GAB2: variants seen among roughly 807,000 people sequenced by gnomAD.
The protein encoded by GAB2 is GRB2 associated binding protein 2.
Under a neutral mutation model 65.5 loss-of-function variants are expected in GAB2, and 26 were observed. That is an observed-to-expected ratio of 0.40 (90% CI 0.29 to 0.55). The LOEUF is 0.55. Among genes scored for constraint, GAB2 ranks in the 20% least tolerant of loss-of-function variants. The pLI is 0.53. For synonymous variants in GAB2, 321 were observed against 329.6 expected, an observed-to-expected ratio of 0.97 and a Z score of 0.28; for missense variants, 884 against 875.8, an observed-to-expected ratio of 1.01 and a Z score of -0.12.
At chr11:78,362,380 TACCTAGAGTA>T (rs1480037508) in intron 1 of GAB2, among the ~76,000 whole-genome samples, 2 of 152,042 alleles carry the variant, frequency 1.3e-5, no homozygotes, top group African/African-American at 2.4e-5. Flanking sequence ...CATAATAAAA[TACCTAGAGTA>T]ACTTCTAATG....
At chr11:78,267,607 C>A (rs1008368233) in intron 2 of GAB2, among the ~76,000 whole-genome samples, 4 of 151,906 alleles carry the variant, frequency 2.6e-5, no homozygotes, top group African/African-American at 9.7e-5. Context: ...ACCTGTAATC[C>A]CAGCACTTTG....
At chr11:78,414,096 A>G (rs867924227) in intron 1 of GAB2, among the ~76,000 whole-genome samples, 3,285 of 151,522 alleles carry the variant, frequency 0.022, 115 homozygotes, top group African/African-American at 0.076. Context: ...TCAAAAAAAA[A>G]AAAAAAAAAA....
intron 1 of GAB2, among the ~76,000 whole-genome samples, chr11:78,303,801 C>G (rs1007911664): frequency 6.6e-6 from 1 of 152,122 alleles, no homozygotes; most frequent in African/African-American, 2.4e-5. Context: ...AAGAAGCCAT[C>G]CAGGCCTGGA....
Position 78,217,655 on chromosome 11 carries a change from C to G in GAB2, c.*1617G>C, listed in dbSNP as rs1279307059. 6.6e-6 allele frequency: 1 copy of G among 152,270 alleles called. No individual in the cohort carries two copies. Among genetic ancestry groups the G allele is most frequent in the African/African-American group, 2.4e-5 (1 of 41,448 alleles). The allele number at this position is 152,270 out of a possible 1,614,324, so 9.4% of individuals were successfully genotyped here. A position where few individuals can be genotyped will look rare whatever the true frequency, so the allele number is the denominator to read the frequency against. On this transcript the variant is annotated 3_prime_UTR_variant, in exon 10 of 10. Coordinates refer to ENST00000361507, the MANE Select transcript of GAB2 (RefSeq NM_080491.3). ...CAAGAACAGTCAACATAAAAACATT[C>G]AGATCCCCCACCCTTAGTTTAAGAG...
intron 8 of GAB2, 60 bp downstream of exon 8, chr11:78,221,617 T>C: frequency 1.0e-6 from 1 of 995,438 alleles, no homozygotes; most frequent in Non-Finnish European, 1.6e-6. Context: ...AGTGGGGAAC[T>C]GAGGGGTGGG....
intron 1 of GAB2, among the ~76,000 whole-genome samples, chr11:78,327,241 T>G (rs148511444): frequency 6.0e-4 from 91 of 152,326 alleles, no homozygotes; most frequent in African/African-American, 2.1e-3. Flanking sequence ...CCTATAAGAA[T>G]GATAAACAAT....
chr11:78,359,810 T>C (rs571679142), intron 1 of GAB2, among the ~76,000 whole-genome samples: 26 of 152,256 alleles, frequency 1.7e-4, no homozygotes, highest in Non-Finnish European at 2.9e-4. Flanking sequence ...AAGGGTGTAG[T>C]GCGTTGAATG....
chr11:78,272,505 G>C (rs1246405449), intron 2 of GAB2, among the ~76,000 whole-genome samples: 1 of 152,174 alleles, frequency 6.6e-6, no homozygotes, highest in African/African-American at 2.4e-5. Flanking sequence ...TTGAACTTGA[G>C]AGAGATGATT....
At chr11:78,312,248 G>A (rs917852513) in intron 1 of GAB2, among the ~76,000 whole-genome samples, 1 of 150,284 alleles carries the variant, frequency 6.7e-6, no homozygotes, top group Non-Finnish European at 1.5e-5. Flanking sequence ...AGGAAAACAA[G>A]AGGGAGATTC....
At chr11:78,302,542 G>A (rs10899465) in intron 1 of GAB2, among the ~76,000 whole-genome samples, 23,823 of 151,730 alleles carry the variant, frequency 0.16, 2,425 homozygotes, top group East Asian at 0.4. Flanking sequence ...TGTTGGCATC[G>A]ATGCAGTGAA....
At chr11:78,326,959 G>C (rs1426869573) in intron 1 of GAB2, among the ~76,000 whole-genome samples, 2 of 152,174 alleles carry the variant, frequency 1.3e-5, no homozygotes, top group Non-Finnish European at 2.9e-5. Flanking sequence ...ATGGGATGAA[G>C]GCTAAGAAGA....
chr11:78,415,976 C>T (rs1354150324), intron 1 of GAB2, among the ~76,000 whole-genome samples: 4 of 145,436 alleles, frequency 2.8e-5, no homozygotes, highest in African/African-American at 1.0e-4. Flanking sequence ...ACACTGTATT[C>T]CACTAGCTTG....
chr11:78,324,402 A>C (rs2134667686), intron 1 of GAB2, among the ~76,000 whole-genome samples: 1 of 152,296 alleles, frequency 6.6e-6, no homozygotes. Context: ...GCCTGGATAG[A>C]TGATAAATAA....
chr11:78,281,254 T>C (rs959684538), intron 1 of GAB2, among the ~76,000 whole-genome samples: 1 of 152,106 alleles, frequency 6.6e-6, no homozygotes, highest in African/African-American at 2.4e-5. Flanking sequence ...ATGCATTTTT[T>C]TTTTTTTTGA....
Position 78,216,584 on chromosome 11 carries a change from G to A in GAB2, c.*2688C>T, listed in dbSNP as rs998369181. 1 of 149,396 alleles carries A rather than the reference G, an allele frequency of 6.7e-6. No individual in the cohort carries two copies. Among genetic ancestry groups the A allele is most frequent in the African/African-American group, 2.6e-5 (1 of 39,080 alleles). The allele number at this position is 149,396 out of a possible 1,614,324, so 9.3% of individuals were successfully genotyped here. A position where few individuals can be genotyped will look rare whatever the true frequency, so the allele number is the denominator to read the frequency against. On this transcript the variant is annotated 3_prime_UTR_variant, in exon 10 of 10. Coordinates refer to ENST00000361507, the MANE Select transcript of GAB2 (RefSeq NM_080491.3). ...AGGGATTTTGGTAGTTACCAGAATA[G>A]GGGGCTGGAAGGAAGCCTCCTGGTA...
chr11:78,230,980 G>C (rs1462575045), intron 3 of GAB2, among the ~76,000 whole-genome samples: 1 of 152,188 alleles, frequency 6.6e-6, no homozygotes, highest in African/African-American at 2.4e-5. Flanking sequence ...TTTGGAGAGA[G>C]GCTTCTCTTC....
At chr11:78,344,507 G>A (rs1047718714) in intron 1 of GAB2, among the ~76,000 whole-genome samples, 1 of 152,178 alleles carries the variant, frequency 6.6e-6, no homozygotes, top group Non-Finnish European at 1.5e-5. Flanking sequence ...TTTAAATATT[G>A]CAGGCTTAAT....
chr11:78,373,950 T>G (rs1856603110), intron 1 of GAB2, among the ~76,000 whole-genome samples: 1 of 152,206 alleles, frequency 6.6e-6, no homozygotes, highest in Admixed American at 6.5e-5. Flanking sequence ...AAATGCTTGT[T>G]AAAGGAATTA....
intron 1 of GAB2, among the ~76,000 whole-genome samples, chr11:78,289,878 G>C (rs1233885559): frequency 6.8e-6 from 1 of 147,168 alleles, no homozygotes; most frequent in Non-Finnish European, 1.5e-5. Flanking sequence ...CCAAGGCCTG[G>C]GCATGGGAAC....
Sources: allele counts gnomAD v4.1 joint callset (sites outside exome capture counted in the v4.1 genomes callset), GRCh38; gene constraint gnomAD v4.1.1; transcripts MANE v1.5; gene names NCBI Gene and HGNC (gene_info 2026-07-23, HGNC 2026-07-21).